Variants in EDEM2 observed in about 807,000 individuals in gnomAD.
The protein encoded by EDEM2 is ER degradation-enhancing alpha-mannosidase-like protein 2.
EDEM2 carries 39 observed loss-of-function variants against 64.8 expected under a neutral mutation model. The ratio of observed to expected loss-of-function variants is 0.60; its 90% CI spans 0.47 to 0.79. The LOEUF (loss-of-function observed/expected upper bound fraction) is 0.79. EDEM2 is among the 30% of genes least tolerant of loss of function. EDEM2 has a pLI of 0.00. For synonymous variants in EDEM2, 296 were observed against 291.5 expected (o/e 1.02, Z -0.16); for missense variants, 609 against 731.3 (o/e 0.83, Z 1.93).
At chr20:35,128,272 A>G (rs1458665279) in intron 7 of EDEM2, among the ~76,000 whole-genome samples, 1 of 139,234 alleles carries the variant, frequency 7.2e-6, no homozygotes, top group African/African-American at 2.9e-5. Flanking sequence ...AATCCCAGCT[A>G]CTCGGGAGGC....
intron 4 of EDEM2, among the ~76,000 whole-genome samples, chr20:35,140,313 A>T (rs544406602): frequency 2.0e-5 from 3 of 152,146 alleles, no homozygotes; most frequent in African/African-American, 4.8e-5. Context: ...GTGAAACACC[A>T]TCTCTACTAA....
At chr20:35,146,758 G>T in intron 2 of EDEM2, 67 bp downstream of exon 2, 1 of 1,551,566 alleles carries the variant, frequency 6.4e-7, no homozygotes, top group Non-Finnish European at 8.8e-7. Flanking sequence ...ACCAGCCCCA[G>T]CTGACCCGCC....
intron 6 of EDEM2, among the ~76,000 whole-genome samples, chr20:35,133,448 T>C (rs1295638991): frequency 6.6e-6 from 1 of 150,832 alleles, no homozygotes; most frequent in Non-Finnish European, 1.5e-5. Context: ...AGGGATTTAC[T>C]ACAGGTCTCC....
At chr20:35,116,726 C>T (rs756729522) in intron 10 of EDEM2, among the ~76,000 whole-genome samples, 1 of 151,982 alleles carries the variant, frequency 6.6e-6, no homozygotes, top group Non-Finnish European at 1.5e-5. Flanking sequence ...CAGAGTATTC[C>T]ATCGTGAAAA....
At chr20:35,141,877 G>T (rs2146114203) in intron 4 of EDEM2, among the ~76,000 whole-genome samples, 1 of 152,262 alleles carries the variant, frequency 6.6e-6, no homozygotes, top group Middle Eastern at 3.4e-3. Context: ...AACTACATGT[G>T]ACTACTTAAA....
At chr20:35,138,433 A>G (rs1339290050) in intron 4 of EDEM2, among the ~76,000 whole-genome samples, 1 of 152,156 alleles carries the variant, frequency 6.6e-6, no homozygotes, top group Admixed American at 6.5e-5. Context: ...AGGGCTGAGT[A>G]TCTTTGATTC....
At chr20:35,120,395 C>T (rs1317698861) in intron 9 of EDEM2, among the ~76,000 whole-genome samples, 1 of 152,040 alleles carries the variant, frequency 6.6e-6, no homozygotes, top group East Asian at 1.9e-4. Flanking sequence ...AGGTCTCTGC[C>T]TATCTCCCCA....
intron 6 of EDEM2, among the ~76,000 whole-genome samples, chr20:35,132,644 ACT>A (rs2085520864): frequency 7.4e-6 from 1 of 135,830 alleles, no homozygotes; most frequent in South Asian, 2.3e-4. Flanking sequence ...ACAGGGGGAG[ACT>A]CTGTCTCAAA....
intron 9 of EDEM2, among the ~76,000 whole-genome samples, chr20:35,122,560 G>C (rs973332265): frequency 1.3e-5 from 2 of 152,036 alleles, no homozygotes; most frequent in Non-Finnish European, 2.9e-5. Flanking sequence ...TTTTAGTAGA[G>C]ATGGGGTTTC....
chr20:35,147,202 G>C lies in EDEM2; in HGVS notation c.57C>G (p.His19Gln). The change falls in exon 1 of 11, where the codon CAC (histidine) becomes CAG (glutamine). Residue 19 changes from histidine to glutamine, a missense_variant. Transcript: ENST00000374492. ...AGCCGTCGGGACCTGGCGCACCATG[G>C]TGCTGAGGCAGCAGCGCGCACAGGA... ...LGLLCALLPQ[H>Q]HGAPGPDGSA... 4 of 1,603,356 alleles carry C rather than the reference G, an allele frequency of 2.5e-6. No individual in the cohort carries two copies. Among genetic ancestry groups the C allele is most frequent in the Non-Finnish European group, 3.4e-6 (4 of 1,173,388 alleles).
In EDEM2 at chr20:35,118,677, T is replaced by C; in HGVS notation, c.1157A>G (p.Asp386Gly). 6.2e-7 allele frequency: 1 copy of C among 1,613,396 alleles called. No homozygotes were observed. The highest frequency in any genetic ancestry group is 8.5e-7 in the Non-Finnish European group (1 of 1,179,988). ...SAMYLYRATG[D>G]PTLLELGRDA... ...TCTTCCGAGTTCTAGGAGGGTGGGA[T>C]CCCCCGTGGCACGGTAGAGGTACAT... Residue 386 changes from aspartate to glycine, a missense_variant, in exon 10 of 11, where the codon GAT (aspartate) becomes GGT (glycine). Coordinates refer to ENST00000374492, the MANE Select transcript of EDEM2 (RefSeq NM_018217.3).
At chr20:35,129,041 G>A (rs143220767) in intron 7 of EDEM2, among the ~76,000 whole-genome samples, 1,992 of 151,704 alleles carry the variant, frequency 0.013, 35 homozygotes, top group African/African-American at 0.043. Flanking sequence ...AAGGTGGGTG[G>A]AGATCACCTG....
intron 5 of EDEM2, among the ~76,000 whole-genome samples, chr20:35,136,605 T>C (rs748585523): frequency 6.6e-6 from 1 of 151,770 alleles, no homozygotes. Flanking sequence ...AAAAAAAATT[T>C]AGCCATGCAT....
intron 2 of EDEM2, 128 bp from the exon 3 acceptor site, chr20:35,145,146 T>G: frequency 1.1e-6 from 1 of 898,414 alleles, no homozygotes; most frequent in Non-Finnish European, 1.7e-6. Context: ...CCACTTACAG[T>G]CACAACAGAG....
intron 9 of EDEM2, among the ~76,000 whole-genome samples, chr20:35,123,517 AG>A (rs757440485): frequency 3.6e-4 from 55 of 151,010 alleles, no homozygotes; most frequent in Admixed American, 5.9e-4. Flanking sequence ...GCTTGAACCC[AG>A]GAGGCGGAGG....
Position 35,115,947 on chromosome 20 carries a change from G to A in EDEM2, c.1237-14C>T. 1 of 1,609,354 alleles carries A rather than the reference G, an allele frequency of 6.2e-7. No individual in the cohort carries two copies. ...CAGATCTTTGATCTGACATGTGGGA[G>A]AAGGAAGCAAGCTGGAACACCATCA... On this transcript the variant is annotated splice_polypyrimidine_tract_variant and intron_variant, in intron 10 of 10. Transcript: ENST00000374492.
chr20:35,139,037 C>A (rs577568979), intron 4 of EDEM2, among the ~76,000 whole-genome samples: 14 of 152,194 alleles, frequency 9.2e-5, no homozygotes, highest in African/African-American at 3.4e-4. Context: ...GTCAGACCTG[C>A]CCCAAGTGGA....
chr20:35,140,294 G>C (rs1044056557), intron 4 of EDEM2, among the ~76,000 whole-genome samples: 7 of 152,144 alleles, frequency 4.6e-5, no homozygotes, highest in Non-Finnish European at 8.8e-5. Flanking sequence ...GACCAGCCTG[G>C]CCAATGTGGT....
At chr20:35,140,305 G>A (rs986661644) in intron 4 of EDEM2, among the ~76,000 whole-genome samples, 4 of 152,160 alleles carry the variant, frequency 2.6e-5, no homozygotes, top group South Asian at 2.1e-4. Flanking sequence ...CCAATGTGGT[G>A]AAACACCATC....
Sources: gnomAD v4.1 joint callset for allele counts (sites outside exome capture counted in the v4.1 genomes callset) on GRCh38, gnomAD v4.1.1 for gene constraint, MANE v1.5 for transcripts, NCBI Gene and HGNC (gene_info 2026-07-23, HGNC 2026-07-21) for gene names.